The following MEMO1 variants were observed in gnomAD, a reference collection of about 807,000 sequenced individuals.
MEMO1 encodes mediator of cell motility 1.
A neutral mutation model predicts 45.2 loss-of-function variants in MEMO1; 6 were observed. The ratio of observed to expected loss-of-function variants is 0.13; its 90% CI spans 0.07 to 0.26. MEMO1 has a LOEUF of 0.26. Ranked by LOEUF, MEMO1 falls within the 10% of genes least tolerant of loss-of-function variation. The pLI is 1.00. For missense variants in MEMO1, 184 were observed against 370.5 expected (o/e 0.50, Z 4.13); for synonymous variants, 78 against 124.3 (o/e 0.63, Z 2.48).
chr2:31,917,596 T>C (rs1275504198), intron 6 of MEMO1, among the ~76,000 whole-genome samples: 1 of 152,172 alleles, frequency 6.6e-6, no homozygotes, highest in Non-Finnish European at 1.5e-5. Flanking sequence ...CATTGTACCA[T>C]AAAAGAATGT....
intron 2 of MEMO1, among the ~76,000 whole-genome samples, chr2:31,974,918 C>A (rs1217296067): frequency 6.6e-6 from 1 of 152,074 alleles, no homozygotes; most frequent in Non-Finnish European, 1.5e-5. Flanking sequence ...TGCCTGTAAT[C>A]CCTGCACTTT....
chr2:31,878,954 T>C (rs907371081), intron 8 of MEMO1, among the ~76,000 whole-genome samples: 3 of 152,202 alleles, frequency 2.0e-5, no homozygotes, highest in African/African-American at 7.2e-5. Context: ...ATAGCTGATA[T>C]AATCTTAAGT....
chr2:31,893,385 CTG>C (rs1425058892), intron 6 of MEMO1: 1 of 1,080,360 alleles, frequency 9.3e-7, no homozygotes, highest in East Asian at 9.7e-5. Context: ...CTTTCTCTAA[CTG>C]TTACCAGTTT....
intron 2 of MEMO1, among the ~76,000 whole-genome samples, chr2:31,952,447 A>C (rs538717670): frequency 6.6e-6 from 1 of 152,260 alleles, no homozygotes; most frequent in East Asian, 1.9e-4. Flanking sequence ...AACCAATTCC[A>C]TTGGCATTTC....
intron 3 of MEMO1, among the ~76,000 whole-genome samples, chr2:31,939,104 T>C (rs746248850): frequency 5.0e-5 from 2 of 39,880 alleles, no homozygotes; most frequent in Non-Finnish European, 9.0e-5. Flanking sequence ...ATTTGTTTTC[T>C]ACCTCAAAAA....
chr2:32,009,409 C>T (rs1325049915), intron 2 of MEMO1, among the ~76,000 whole-genome samples: 2 of 151,918 alleles, frequency 1.3e-5, no homozygotes, highest in Non-Finnish European at 2.9e-5. Flanking sequence ...TCCACCCCAG[C>T]CCCAACATAC....
chr2:31,895,979 G>A (rs1226304060), intron 6 of MEMO1, among the ~76,000 whole-genome samples: 4 of 151,764 alleles, frequency 2.6e-5, no homozygotes, highest in Non-Finnish European at 4.4e-5. Context: ...GAGTAGCTGG[G>A]ACTACAGGCG....
intron 5 of MEMO1, among the ~76,000 whole-genome samples, chr2:31,919,235 AC>A (rs920206980): frequency 1.3e-5 from 2 of 151,266 alleles, no homozygotes; most frequent in African/African-American, 4.9e-5. Flanking sequence ...TGAAACCTCT[AC>A]CTCCGGAGCT....
intron 7 of MEMO1, among the ~76,000 whole-genome samples, chr2:31,885,820 A>T (rs3769614): frequency 0.16 from 23,864 of 152,144 alleles, 2,166 homozygotes; most frequent in African/African-American, 0.25. Flanking sequence ...CGCATATACT[A>T]CATGATAGTC....
At chr2:32,001,032 ATTTTTTTTTTTT>A (rs66617379) in intron 2 of MEMO1, among the ~76,000 whole-genome samples, 1 of 104,558 alleles carries the variant, frequency 9.6e-6, no homozygotes, top group African/African-American at 3.7e-5. Flanking sequence ...ATAAATTTTG[ATTTTTTTTTTTT>A]TTTTTTTTTT....
intron 2 of MEMO1, among the ~76,000 whole-genome samples, chr2:31,965,209 A>AT (rs1668466406): frequency 6.6e-6 from 1 of 151,468 alleles, no homozygotes; most frequent in South Asian, 2.1e-4. Flanking sequence ...GCGAAACTCC[A>AT]TCAAAAAAAA....
At chr2:31,989,846 G>C (rs1224791854) in intron 2 of MEMO1, among the ~76,000 whole-genome samples, 5 of 152,174 alleles carry the variant, frequency 3.3e-5, no homozygotes, top group African/African-American at 1.2e-4. Flanking sequence ...GCCGGGTGTG[G>C]TGGCTCACAC....
chr2:31,931,942 T>C (rs1255573766), intron 4 of MEMO1, 125 bp downstream of exon 4: 4 of 746,888 alleles, frequency 5.4e-6, no homozygotes, highest in African/African-American at 3.5e-5. Context: ...GTAAAATTCA[T>C]CAAAAGTCAA....
chr2:31,993,021 G>T (rs922563864), intron 2 of MEMO1, among the ~76,000 whole-genome samples: 1 of 152,024 alleles, frequency 6.6e-6, no homozygotes, highest in Non-Finnish European at 1.5e-5. Context: ...AAAAAGGGTC[G>T]ATTTTTCTAC....
intron 7 of MEMO1, among the ~76,000 whole-genome samples, chr2:31,890,399 T>C (rs1330770841): frequency 6.6e-6 from 1 of 152,044 alleles, no homozygotes; most frequent in Non-Finnish European, 1.5e-5. Flanking sequence ...TTAAGGAAAA[T>C]ATGCTGTTTT....
At chr2:32,009,495 TA>T (rs924340715) in intron 2 of MEMO1, among the ~76,000 whole-genome samples, 2 of 151,706 alleles carry the variant, frequency 1.3e-5, no homozygotes, top group Non-Finnish European at 2.9e-5. Context: ...TCTGGTAACG[TA>T]AAAAAGTGCT....
intron 2 of MEMO1, among the ~76,000 whole-genome samples, chr2:31,957,794 C>T (rs1193527439): frequency 1.3e-5 from 2 of 152,234 alleles, no homozygotes; most frequent in Non-Finnish European, 2.9e-5. Context: ...ACTCTGACTT[C>T]GTCAGCATTT....
At chr2:31,973,123 T>G (rs1324744566) in intron 2 of MEMO1, among the ~76,000 whole-genome samples, 1 of 152,174 alleles carries the variant, frequency 6.6e-6, no homozygotes, top group African/African-American at 2.4e-5. Context: ...GAATTGCCAC[T>G]GACCCACCAA....
chr2:31,890,180 C>T (rs1164729846), intron 7 of MEMO1, among the ~76,000 whole-genome samples: 2 of 152,048 alleles, frequency 1.3e-5, no homozygotes, highest in African/African-American at 4.8e-5. Context: ...TGTTTACTGA[C>T]GTTTTATGTG....
Sources: allele counts gnomAD v4.1 joint callset (sites outside exome capture counted in the v4.1 genomes callset), GRCh38; gene constraint gnomAD v4.1.1; transcripts MANE v1.5; gene names NCBI Gene and HGNC (gene_info 2026-07-23, HGNC 2026-07-21).